VPS13C: variants seen among roughly 807,000 people sequenced by gnomAD.
VPS13C encodes intermembrane lipid transfer protein VPS13C.
A neutral mutation model predicts 456.8 loss-of-function variants in VPS13C; 358 were observed. The ratio of observed to expected loss-of-function variants is 0.78; its 90% CI spans 0.72 to 0.86. VPS13C has a LOEUF of 0.86. Among genes scored for constraint, VPS13C ranks in the 40% least tolerant of loss-of-function variants. The pLI is 0.00. For missense variants in VPS13C, 4,818 were observed against 4,385.4 expected (o/e 1.10, Z -2.79); for synonymous variants, 1,578 against 1,486.7 (o/e 1.06, Z -1.41).
intron 67 of VPS13C, among the ~76,000 whole-genome samples, chr15:61,884,686 GAA>G (rs149321625): frequency 6.7e-6 from 1 of 148,216 alleles, no homozygotes; most frequent in East Asian, 2.0e-4. Flanking sequence ...GTCTATTAAT[GAA>G]AAAAAAAACT....
At chr15:61,999,492 C>G (rs1256270147) in intron 16 of VPS13C, among the ~76,000 whole-genome samples, 1 of 151,962 alleles carries the variant, frequency 6.6e-6, no homozygotes, top group Non-Finnish European at 1.5e-5. Flanking sequence ...CTGTATATGC[C>G]TTAATCTCAT....
rs765458551 is a variant in VPS13C at position 61,962,855 on chromosome 15, G to GA, written c.3332-4dup. The GA allele has an allele frequency of 2.7e-5, 43 of 1,565,762 alleles. 1 individual carries two copies. The Admixed American group carries it at 6.2e-4, about 23-fold the overall frequency. The stretch of plus-strand genomic sequence containing the variant: ...GAGAGAAAGGGAGGAATCCAGTCCT[G>GA]AAAAAAAGAGTGTATTATTATAATT... On this transcript the variant is annotated splice_region_variant and splice_polypyrimidine_tract_variant and intron_variant, in intron 32 of 84. Coordinates refer to ENST00000644861, the MANE Select transcript of VPS13C (RefSeq NM_020821.3).
intron 18 of VPS13C, among the ~76,000 whole-genome samples, chr15:61,985,680 A>C (rs1390369037): frequency 6.6e-6 from 1 of 152,250 alleles, no homozygotes; most frequent in African/African-American, 2.4e-5. Flanking sequence ...TGGCTGAAGG[A>C]AAGAAACCTG....
intron 1 of VPS13C, among the ~76,000 whole-genome samples, chr15:62,056,890 G>A (rs958508962): frequency 1.1e-4 from 17 of 152,338 alleles, no homozygotes; most frequent in African/African-American, 3.8e-4. Flanking sequence ...CCCCTGTCCT[G>A]TGGACACGTG....
chr15:61,980,668 T>C (rs2045855984), intron 22 of VPS13C, among the ~76,000 whole-genome samples: 2 of 152,210 alleles, frequency 1.3e-5, no homozygotes, highest in South Asian at 4.1e-4. Context: ...ACAGTACCTA[T>C]TTTTCTTCAG....
chr15:61,997,666 C>T (rs1351288367), intron 16 of VPS13C, among the ~76,000 whole-genome samples: 1 of 152,118 alleles, frequency 6.6e-6, no homozygotes. Flanking sequence ...ATTTTTTACT[C>T]TCTCTCCTAC....
intron 67 of VPS13C, 33 bp from the exon 68 acceptor site, chr15:61,884,302 A>C (rs371305256): frequency 6.2e-6 from 10 of 1,601,086 alleles, no homozygotes; most frequent in Non-Finnish European, 7.7e-6. Flanking sequence ...TTAAATTAGC[A>C]ATATGTATTT....
intron 66 of VPS13C, among the ~76,000 whole-genome samples, chr15:61,895,965 T>C (rs920653817): frequency 6.6e-6 from 1 of 152,192 alleles, no homozygotes; most frequent in African/African-American, 2.4e-5. Context: ...ATATTGAATG[T>C]TCCTAACACA....
In VPS13C at chr15:61,929,744, T is replaced by A; in HGVS notation, c.6043A>T (p.Ile2015Phe). The part of the protein sequence containing the change: ...EGIERATSRM[I>F]DRKNDQDNNS... ...TTATCTTGGTCATTCTTTCTGTCAATCATTCTGAAAAAAAACATGCTATTC... is the reference window on the plus strand; with the variant it reads ...TTATCTTGGTCATTCTTTCTGTCAAACATTCTGAAAAAAAACATGCTATTC... The change falls in exon 51 of 85, where the codon ATT becomes TTT. Residue 2015 changes from isoleucine (I) to phenylalanine (F), a missense_variant. Around this residue, in one of 3 missense-constraint regions of VPS13C, gnomAD observed 4,552 missense variants for 4,130.6 expected, o/e 1.10. Transcript: ENST00000644861. 1 of 1,607,708 alleles carries A rather than the reference T, an allele frequency of 6.2e-7. No homozygotes were observed. The highest frequency in any genetic ancestry group is 1.3e-5 in the African/African-American group (1 of 74,820).
chr15:61,869,879 TTCTAAGCAC>T, intron 79 of VPS13C, among the ~76,000 whole-genome samples: 1 of 152,310 alleles, frequency 6.6e-6, no homozygotes, highest in Admixed American at 6.5e-5. Flanking sequence ...ATTTATGTTT[TTCTAAGCAC>T]TCCAGGTGAT....
intron 5 of VPS13C, among the ~76,000 whole-genome samples, chr15:62,031,819 T>C (rs772002777): frequency 5.3e-5 from 8 of 152,048 alleles, no homozygotes; most frequent in Non-Finnish European, 7.4e-5. Context: ...ATGTCTGTTT[T>C]CTCAGCACTG....
chr15:61,883,155 T>C (rs1323425377), intron 68 of VPS13C, among the ~76,000 whole-genome samples: 1 of 151,850 alleles, frequency 6.6e-6, no homozygotes, highest in African/African-American at 2.4e-5. Flanking sequence ...CCCAAGCAGC[T>C]GAGACTACAG....
chr15:61,864,959 G>A lies in VPS13C; in HGVS notation c.10864-1431C>T, dbSNP rs1056894426. 38 of 981,486 alleles carry A rather than the reference G, an allele frequency of 3.9e-5. 1 individual carries two copies. The highest frequency in any genetic ancestry group is 5.2e-4 in the Middle Eastern group (1 of 1,914). 60.8% of individuals were successfully genotyped at this position (981,486 alleles called of 1,614,324 possible). On this transcript the variant is annotated intron_variant, in intron 81 of 84. Transcript: ENST00000644861. ...CACTTTCTATCTTGTATGTATTTTCGTTAGTTATTAGGCTATTGTGCTTCA... is the reference window on the plus strand; with the variant it reads ...CACTTTCTATCTTGTATGTATTTTCATTAGTTATTAGGCTATTGTGCTTCA...
intron 66 of VPS13C, among the ~76,000 whole-genome samples, chr15:61,906,204 C>A (rs1313198906): frequency 6.6e-6 from 1 of 152,204 alleles, no homozygotes. Flanking sequence ...CTAAGCAGAA[C>A]TCCCTTCTTT....
intron 61 of VPS13C, among the ~76,000 whole-genome samples, chr15:61,914,864 C>A (rs2043412983): frequency 8.5e-6 from 1 of 117,332 alleles, no homozygotes; most frequent in African/African-American, 3.4e-5. Flanking sequence ...CCGAGCCTGG[C>A]CAAAACTCTG....
At chr15:62,021,794 G>C (rs1311557186) in intron 8 of VPS13C, among the ~76,000 whole-genome samples, 1 of 151,790 alleles carries the variant, frequency 6.6e-6, no homozygotes, top group Non-Finnish European at 1.5e-5. Flanking sequence ...TTTATACTTA[G>C]AGATAACCAG....
chr15:61,984,118 T>C (rs1463044029), intron 19 of VPS13C, 106 bp from the exon 20 acceptor site: 12 of 970,648 alleles, frequency 1.2e-5, no homozygotes, highest in South Asian at 1.7e-5. Flanking sequence ...ACCAGGACCA[T>C]CCATGCACAT....
In VPS13C at chr15:61,884,160, G is replaced by C. The variant is rs781448463; in HGVS notation, c.9451C>G (p.His3151Asp). 1 of 1,602,204 alleles carries C rather than the reference G, an allele frequency of 6.2e-7. No homozygotes were observed. The highest frequency in any genetic ancestry group is 8.5e-7 in the Non-Finnish European group (1 of 1,175,616). ...TTATTATCTAGCTTAATCCAGCCAT[G>C]GTCTCTTGATATTTGATGTTTCTGA... is the stretch of plus-strand genomic sequence containing the variant. ...SYQKHQISRD[H>D]GWIKLDNNFE... Residue 3151 changes from histidine (H) to aspartate (D), a missense_variant, in exon 68 of 85, where the codon CAT becomes GAT. By Grantham distance (81) the His-to-Asp change is moderately conservative (BLOSUM62 -1). Around this residue, in one of 3 missense-constraint regions of VPS13C, gnomAD observed 4,552 missense variants for 4,130.6 expected, o/e 1.10. Coordinates refer to ENST00000644861, the MANE Select transcript of VPS13C (RefSeq NM_020821.3).
intron 16 of VPS13C, among the ~76,000 whole-genome samples, chr15:61,994,508 T>C (rs1455541672): frequency 6.6e-6 from 1 of 151,970 alleles, no homozygotes; most frequent in Non-Finnish European, 1.5e-5. Context: ...CTATTCATTG[T>C]AGAGTCACTT....
Sources: allele counts gnomAD v4.1 joint callset (sites outside exome capture counted in the v4.1 genomes callset), GRCh38; gene constraint gnomAD v4.1.1; regional missense constraint gnomAD v4.1.1; transcripts MANE v1.5; gene names NCBI Gene and HGNC (gene_info 2026-07-23, HGNC 2026-07-21).